Variants in IGF1R observed in about 807,000 individuals in gnomAD.
IGF1R encodes the protein insulin like growth factor 1 receptor.
In IGF1R, 44 loss-of-function variants were observed where a neutral mutation model predicts 144.6. The ratio of observed to expected loss-of-function variants is 0.30; its 90% CI spans 0.24 to 0.39. The LOEUF is 0.39. Among genes scored for constraint, IGF1R ranks in the 10% least tolerant of loss-of-function variants. The pLI is 1.00. For synonymous variants in IGF1R, 795 were observed against 722.8 expected, an observed-to-expected ratio of 1.10 and a Z score of -1.60; for missense variants, 1,355 against 1,833.7, an observed-to-expected ratio of 0.74 and a Z score of 4.77.
chr15:98,817,470 G>A (rs113852777), intron 2 of IGF1R, among the ~76,000 whole-genome samples: 1 of 152,094 alleles, frequency 6.6e-6, no homozygotes, highest in East Asian at 1.9e-4. Context: ...TGGGGGCCAG[G>A]TGTGGTTGAG....
In IGF1R at chr15:98,915,369, C is replaced by T. The variant is rs181834435; in HGVS notation, c.1829-595C>T. On this transcript the variant is annotated intron_variant, in intron 8 of 20. Transcript: ENST00000650285. The stretch of plus-strand genomic sequence containing the variant: ...TCAGAGTCATGCCTCAGTCATTGTA[C>T]TGAAGGATGCCTGTGGAAATGGTGG... 1.1e-3 allele frequency among the ~76,000 whole-genome samples: 164 copies of T among 152,342 alleles called. 1 individual carries two copies. The highest frequency in any genetic ancestry group is 3.8e-3 in the African/African-American group (157 of 41,576).
chr15:98,734,393 T>A (rs1393938593), intron 2 of IGF1R, among the ~76,000 whole-genome samples: 3 of 151,688 alleles, frequency 2.0e-5, no homozygotes, highest in African/African-American at 7.3e-5. Context: ...CTCATGCCTA[T>A]TTTTTTTTCT....
rs1157773425 is a variant in IGF1R, at chr15:98,891,921, C to T, written c.953+284C>T. ...CTTGCTGGTTTCGATACCCAGAGTT[C>T]ATAGTCTCTCTGGGTACTTGCCAAG... is the stretch of plus-strand genomic sequence containing the variant. On this transcript the variant is annotated intron_variant, in intron 3 of 20. Coordinates refer to ENST00000650285, the MANE Select transcript of IGF1R (RefSeq NM_000875.5). This position sits in a 1 kb window ranked among gnomAD's most constrained non-coding sequence, Gnocchi z 4.7. 6.6e-6 allele frequency among the ~76,000 whole-genome samples: 1 copy of T among 152,190 alleles called. No individual in the cohort carries two copies. The highest frequency in any genetic ancestry group is 6.5e-5 in the Admixed American group (1 of 15,280).
At chr15:98,690,563 T>C (rs1012037844) in intron 1 of IGF1R, among the ~76,000 whole-genome samples, 3 of 152,252 alleles carry the variant, frequency 2.0e-5, no homozygotes, top group African/African-American at 7.2e-5. Flanking sequence ...AAATTTTGGC[T>C]CTCTTCCTAT....
At chr15:98,878,677 A>C (rs1193295421) in intron 2 of IGF1R, among the ~76,000 whole-genome samples, 2 of 93,350 alleles carry the variant, frequency 2.1e-5, no homozygotes, top group Non-Finnish European at 4.9e-5. Context: ...AAAAAAAAAA[A>C]AAAAAAAAAA....
At chr15:98,750,587 G>T (rs543581740) in intron 2 of IGF1R, among the ~76,000 whole-genome samples, 1 of 152,140 alleles carries the variant, frequency 6.6e-6, no homozygotes, top group Non-Finnish European at 1.5e-5. Context: ...TCCTCAGGAG[G>T]CTGTGGAGGG....
intron 20 of IGF1R, among the ~76,000 whole-genome samples, chr15:98,956,846 G>A (rs1041439220): frequency 6.6e-6 from 1 of 152,194 alleles, no homozygotes; most frequent in Admixed American, 6.5e-5. Context: ...TGGGTTCTGG[G>A]GGAAGAGAAT....
chr15:98,916,514 G>A (rs527639799), intron 9 of IGF1R, 158 bp from the exon 10 acceptor site: 36 of 728,966 alleles, frequency 4.9e-5, no homozygotes, highest in South Asian at 1.2e-4. Flanking sequence ...TGCCCGCCTC[G>A]GCCTCCCAAA....
intron 1 of IGF1R, among the ~76,000 whole-genome samples, chr15:98,696,323 C>T (rs2053596972): frequency 6.6e-6 from 1 of 152,178 alleles, no homozygotes; most frequent in Admixed American, 6.5e-5. Context: ...ATGTTGAAAT[C>T]TACAGTACTC....
At chr15:98,813,579 C>G (rs897409134) in intron 2 of IGF1R, among the ~76,000 whole-genome samples, 2 of 152,254 alleles carry the variant, frequency 1.3e-5, no homozygotes, top group Non-Finnish European at 2.9e-5. Context: ...GCATGGTGCA[C>G]TACCTCTTCT....
chr15:98,673,466 A>T (rs1395932542), intron 1 of IGF1R, among the ~76,000 whole-genome samples: 1 of 152,192 alleles, frequency 6.6e-6, no homozygotes, highest in Non-Finnish European at 1.5e-5. Flanking sequence ...CAATAATAGA[A>T]GTGGAAAGAA....
At chr15:98,694,288 C>G (rs762885485) in intron 1 of IGF1R, among the ~76,000 whole-genome samples, 6 of 152,138 alleles carry the variant, frequency 3.9e-5, no homozygotes, top group Non-Finnish European at 7.4e-5. Context: ...TCAAAGATGT[C>G]ACTGCACCAT....
chr15:98,708,588 G>A (rs1428771784), intron 2 of IGF1R, among the ~76,000 whole-genome samples: 1 of 152,168 alleles, frequency 6.6e-6, no homozygotes, highest in Non-Finnish European at 1.5e-5. Context: ...TTAAATAAAG[G>A]GAAGGTAAAG....
chr15:98,960,324 A>G lies in IGF1R; in HGVS notation c.*2882A>G. 4.3e-6 allele frequency: 1 copy of G among 233,020 alleles called. No individual in the cohort carries two copies. The highest frequency in any genetic ancestry group is 8.5e-6 in the Non-Finnish European group (1 of 117,964). 14.4% of individuals were successfully genotyped at this position (233,020 alleles called of 1,614,324 possible). ...TGTTTTGTTTTCTATCTTGGTTTCCACCAAGGTGTTAGATTTCTCCTCCTC... is the reference window on the plus strand; with the variant it reads ...TGTTTTGTTTTCTATCTTGGTTTCCGCCAAGGTGTTAGATTTCTCCTCCTC... On this transcript the variant is annotated 3_prime_UTR_variant, in exon 21 of 21. Coordinates refer to ENST00000650285, the MANE Select transcript of IGF1R (RefSeq NM_000875.5).
At chr15:98,913,324 G>A (rs951715) in intron 8 of IGF1R, 42 bp downstream of exon 8, 950,998 of 1,486,490 alleles carry the variant, frequency 0.64, 304,719 homozygotes, top group South Asian at 0.74. Context: ...ACACTTCTTC[G>A]CAAGCTCACT....
chr15:98,789,820 G>A (rs1045903116), intron 2 of IGF1R, among the ~76,000 whole-genome samples: 3 of 152,160 alleles, frequency 2.0e-5, no homozygotes, highest in African/African-American at 7.2e-5. Flanking sequence ...CTTTGGGGGC[G>A]AGTTATCTGG....
At chr15:98,847,929 C>T (rs1820027995) in intron 2 of IGF1R, among the ~76,000 whole-genome samples, 1 of 152,162 alleles carries the variant, frequency 6.6e-6, no homozygotes, top group African/African-American at 2.4e-5. Context: ...TGCCAGCCCT[C>T]CGGGAGCTCA....
At chr15:98,714,687 T>C (rs1415579435) in intron 2 of IGF1R, among the ~76,000 whole-genome samples, 2 of 151,886 alleles carry the variant, frequency 1.3e-5, no homozygotes, top group Non-Finnish European at 2.9e-5. Flanking sequence ...GTTTTATGGC[T>C]AGCTTTGAGA....
chr15:98,715,660 G>C (rs905825737), intron 2 of IGF1R, among the ~76,000 whole-genome samples: 2 of 152,152 alleles, frequency 1.3e-5, no homozygotes, highest in African/African-American at 4.8e-5. Flanking sequence ...CGTGTATAGG[G>C]TGGTTCAAAA....
Sources: allele counts gnomAD v4.1 joint callset (sites outside exome capture counted in the v4.1 genomes callset), GRCh38; gene constraint gnomAD v4.1.1; non-coding constraint Gnocchi (gnomAD v3.1); transcripts MANE v1.5; gene names NCBI Gene and HGNC (gene_info 2026-07-23, HGNC 2026-07-21).